EDA: variants seen among roughly 807,000 people sequenced by gnomAD.
EDA encodes ectodysplasin-A.
Under a neutral mutation model 23.6 loss-of-function variants are expected in EDA, and 2 were observed. The observed-to-expected ratio is 0.08, with a 90% CI of 0.03 to 0.27. The LOEUF (loss-of-function observed/expected upper bound fraction) is 0.27, where lower values mean the gene tolerates loss of function less well. EDA is among the 10% of genes least tolerant of loss of function. The pLI is 1.00. For synonymous variants in EDA, 131 were observed against 132.0 expected (o/e 0.99, Z 0.05); for missense variants, 229 against 324.2 (o/e 0.71, Z 2.26).
At chrX:69,768,677 C>T (rs1423694010) in intron 1 of EDA, among the ~76,000 whole-genome samples, 2 of 111,473 alleles carry the variant, frequency 1.8e-5, no homozygotes, top group Non-Finnish European at 3.8e-5. Flanking sequence ...CATCTAGGTG[C>T]TTTACATTTT....
intron 1 of EDA, among the ~76,000 whole-genome samples, chrX:69,646,061 T>C (rs958693925): frequency 3.6e-5 from 4 of 111,367 alleles, no homozygotes; most frequent in African/African-American, 9.8e-5. Flanking sequence ...AAGACTGTTA[T>C]GATTTCAGTT....
At chrX:69,737,255 C>T (rs1212682348) in intron 1 of EDA, among the ~76,000 whole-genome samples, 1 of 112,133 alleles carries the variant, frequency 8.9e-6, no homozygotes, top group African/African-American at 3.2e-5. Context: ...TGGTAATGTT[C>T]AGGTTTAAAT....
chrX:70,029,783 CAGGTTCACCAT>C (rs1001071177), intron 5 of EDA, among the ~76,000 whole-genome samples: 2 of 112,506 alleles, frequency 1.8e-5, no homozygotes, highest in Non-Finnish European at 3.8e-5. Context: ...CAGGAGACCC[CAGGTTCACCAT>C]AGCCAGGCCC....
chrX:69,701,075 A>C (rs1229851879), intron 1 of EDA, among the ~76,000 whole-genome samples: 1 of 111,506 alleles, frequency 9.0e-6, no homozygotes, highest in Non-Finnish European at 1.9e-5. Flanking sequence ...GTGGGTCCTG[A>C]AAAATTAGGT....
chrX:69,728,471 A>G (rs1211462599), intron 1 of EDA, among the ~76,000 whole-genome samples: 1 of 112,117 alleles, frequency 8.9e-6, no homozygotes, highest in African/African-American at 3.2e-5. Context: ...AATATGTGCA[A>G]GGGCACAGAG....
At chrX:69,981,220 A>G (rs956429165) in intron 2 of EDA, among the ~76,000 whole-genome samples, 9 of 111,553 alleles carry the variant, frequency 8.1e-5, no homozygotes, top group African/African-American at 1.6e-4. Context: ...GACCTTGGAC[A>G]TTATTGCCAG....
chrX:69,889,125 G>A (rs1474934485), intron 1 of EDA, among the ~76,000 whole-genome samples: 2 of 100,225 alleles, frequency 2.0e-5, no homozygotes, highest in African/African-American at 7.2e-5. Context: ...TTTCTGGTTT[G>A]TTTTTTACTT....
At chrX:69,795,275 C>T (rs2015514588) in intron 1 of EDA, among the ~76,000 whole-genome samples, 1 of 111,945 alleles carries the variant, frequency 8.9e-6, no homozygotes, top group African/African-American at 3.3e-5. Context: ...ATCCTCCTGC[C>T]TCAGCCTCTC....
chrX:70,009,358 G>T (rs146395595), intron 2 of EDA, among the ~76,000 whole-genome samples: 103 of 111,493 alleles, frequency 9.2e-4, no homozygotes, highest in African/African-American at 3.3e-3. Context: ...TAGAAGCTTA[G>T]ATATTGATTT....
At chrX:69,797,976 C>T (rs944694558) in intron 1 of EDA, among the ~76,000 whole-genome samples, 3 of 111,736 alleles carry the variant, frequency 2.7e-5, no homozygotes, top group South Asian at 7.4e-4. Context: ...CATGGAAGAA[C>T]GTACATATCC....
At chrX:69,830,095 T>C (rs938860571) in intron 1 of EDA, among the ~76,000 whole-genome samples, 5 of 111,708 alleles carry the variant, frequency 4.5e-5, no homozygotes, top group Non-Finnish European at 7.5e-5. Context: ...TATTCTTTCT[T>C]CTTTCTTCCT....
chrX:69,676,194 G>T (rs758088249), intron 1 of EDA, among the ~76,000 whole-genome samples: 1 of 111,424 alleles, frequency 9.0e-6, no homozygotes, highest in Admixed American at 9.6e-5. Flanking sequence ...CAATGGAGGG[G>T]CTTGAGCAAA....
chrX:69,802,603 T>C (rs1204399162), intron 1 of EDA, among the ~76,000 whole-genome samples: 1 of 111,126 alleles, frequency 9.0e-6, no homozygotes, highest in East Asian at 2.8e-4. Flanking sequence ...GGATTGGATT[T>C]AGAGTCAGAA....
chrX:69,712,491 C>T (rs1197501677), intron 1 of EDA, among the ~76,000 whole-genome samples: 1 of 111,288 alleles, frequency 9.0e-6, no homozygotes, highest in Non-Finnish European at 1.9e-5. Context: ...CAGAAAAATG[C>T]AAATCAAAAC....
chrX:69,696,102 G>C (rs910680165), intron 1 of EDA, among the ~76,000 whole-genome samples: 1 of 110,434 alleles, frequency 9.1e-6, no homozygotes, highest in Non-Finnish European at 1.9e-5. Flanking sequence ...AGCTGGGCGT[G>C]GTGGCACATG....
At chrX:69,949,035 T>C (rs1214176693) in intron 1 of EDA, among the ~76,000 whole-genome samples, 2 of 111,899 alleles carry the variant, frequency 1.8e-5, no homozygotes, top group Non-Finnish European at 3.8e-5. Flanking sequence ...GCATAAATGG[T>C]TTAATTTATT....
intron 1 of EDA, among the ~76,000 whole-genome samples, chrX:69,718,009 C>G (rs1447822311): frequency 8.9e-6 from 1 of 111,779 alleles, no homozygotes; most frequent in Non-Finnish European, 1.9e-5. Flanking sequence ...GTAAAATGTG[C>G]CTGCTTCCCC....
chrX:69,700,707 G>A (rs1228159951), intron 1 of EDA, among the ~76,000 whole-genome samples: 2 of 111,017 alleles, frequency 1.8e-5, no homozygotes, highest in Admixed American at 1.9e-4. Context: ...ACAGGAGTGT[G>A]GTGTTTTGCG....
chrX:69,983,977 C>A (rs1436813166), intron 2 of EDA, among the ~76,000 whole-genome samples: 1 of 102,067 alleles, frequency 9.8e-6, no homozygotes, highest in Non-Finnish European at 2.0e-5. Context: ...CACTCAAAGC[C>A]GCTCCACTAC....
Sources: allele counts gnomAD v4.1 joint callset (sites outside exome capture counted in the v4.1 genomes callset), GRCh38; gene constraint gnomAD v4.1.1; transcripts MANE v1.5; gene names NCBI Gene and HGNC (gene_info 2026-07-23, HGNC 2026-07-21).